The following TMEM132D variants were observed in gnomAD, a reference collection of about 807,000 sequenced individuals.
TMEM132D encodes the protein transmembrane protein 132D, also known as mature OL transmembrane protein.
TMEM132D carries 21 observed loss-of-function variants against 62.3 expected under a neutral mutation model. The observed-to-expected ratio is 0.34, with a 90% CI of 0.24 to 0.49. The LOEUF (loss-of-function observed/expected upper bound fraction) is 0.49. Ranked by LOEUF, TMEM132D falls within the 20% of genes least tolerant of loss-of-function variation. The pLI is 0.99. For missense variants in TMEM132D, 1,346 were observed against 1,402.8 expected (o/e 0.96, Z 0.65); for synonymous variants, 621 against 575.6 (o/e 1.08, Z -1.13).
intron 3 of TMEM132D, among the ~76,000 whole-genome samples, chr12:129,403,056 T>C (rs886501846): frequency 1.3e-5 from 2 of 152,070 alleles, no homozygotes; most frequent in Non-Finnish European, 2.9e-5. Flanking sequence ...TCCAGGATTG[T>C]GGCAGGCACT....
At chr12:129,552,362 CATCT>C (rs1243246052) in intron 2 of TMEM132D, among the ~76,000 whole-genome samples, 3 of 152,282 alleles carry the variant, frequency 2.0e-5, no homozygotes, top group Admixed American at 1.3e-4. Flanking sequence ...ATATACCTAA[CATCT>C]ATCTGTTTAT....
rs1478847881 is a variant in TMEM132D at position 129,605,645 on chromosome 12, AC to A, written c.969-74441del. Among the ~76,000 whole-genome samples the A allele has an allele frequency of 5.0e-3, 659 of 132,944 alleles. 10 individuals carry two copies. The highest frequency in any genetic ancestry group is 0.016 in the African/African-American group (625 of 38,356). 87.2% of individuals were successfully genotyped at this position (132,944 alleles called of 152,430 possible). ...TATACACACACACACACACACACACACAAATATACATATACATATATATATA... is the reference window on the plus strand; with the variant it reads ...TATACACACACACACACACACACACAAAATATACATATACATATATATATA... On this transcript the variant is annotated intron_variant, in intron 2 of 8. Transcript: ENST00000422113.
rs769866888 is a variant in TMEM132D at position 129,084,718 on chromosome 12, A to C, written c.1444-16T>G. On this transcript the variant is annotated splice_polypyrimidine_tract_variant and intron_variant, in intron 5 of 8. Transcript: ENST00000422113. ...TGTCAGAAACCTGTGAAGAGGTGAG[A>C]GAGAAAAGGGGAGGGAAAGGTGAGC... 6.2e-7 allele frequency: 1 copy of C among 1,612,634 alleles called. No individual in the cohort carries two copies. The highest frequency in any genetic ancestry group is 1.1e-5 in the South Asian group (1 of 90,732).
rs112729986 is a variant in TMEM132D, at chr12:129,291,671, C to T, written c.1299+45963G>A. Among the ~76,000 whole-genome samples, 803 of 152,212 alleles carry T rather than the reference C, an allele frequency of 5.3e-3. 7 individuals are homozygous for T. The highest frequency in any genetic ancestry group is 0.018 in the African/African-American group (732 of 41,532). On this transcript the variant is annotated intron_variant, in intron 4 of 8. Transcript: ENST00000422113. ...TATTGATTTAGTTATTCTGACAGCA[C>T]GTGGTCAACAGGTTTCTCCTCAAGA...
At chr12:129,810,027 G>A (rs1872121254) in intron 1 of TMEM132D, among the ~76,000 whole-genome samples, 1 of 152,160 alleles carries the variant, frequency 6.6e-6, no homozygotes, top group Non-Finnish European at 1.5e-5. Flanking sequence ...ATTAGGAGGA[G>A]GAGGAGAAAG....
chr12:129,884,310 A>G (rs931093698), intron 1 of TMEM132D, among the ~76,000 whole-genome samples: 1 of 152,256 alleles, frequency 6.6e-6, no homozygotes, highest in African/African-American at 2.4e-5. Context: ...ACATGTTAAA[A>G]TAAACAACAT....
At chr12:129,720,574 T>C (rs867628883) in intron 1 of TMEM132D, among the ~76,000 whole-genome samples, 1 of 152,214 alleles carries the variant, frequency 6.6e-6, no homozygotes, top group Non-Finnish European at 1.5e-5. Context: ...TGCTCTGAAA[T>C]GATGACAGTG....
rs2137225848 is a variant in TMEM132D, at chr12:129,700,038, C to T, written c.740G>A (p.Ser247Asn). 6.2e-7 allele frequency: 1 copy of T among 1,613,956 alleles called. No homozygotes were observed. ...GDCVREDARR[S>N]NGIRTGHSDI... ...ACTGTGGCCTGTCCGGATCCCATTGCTTCTCCTCGCGTCTTCCCTGACGCA... is the reference window on the plus strand; with the variant it reads ...ACTGTGGCCTGTCCGGATCCCATTGTTTCTCCTCGCGTCTTCCCTGACGCA... The change falls in exon 2 of 9, where the codon AGC becomes AAC. Residue 247 changes from serine to asparagine, a missense_variant. Ser to Asn is a conservative substitution (Grantham distance 46, BLOSUM62 1). Coordinates refer to ENST00000422113, the MANE Select transcript of TMEM132D (RefSeq NM_133448.3).
chr12:129,218,258 A>G (rs1593299865), intron 4 of TMEM132D, among the ~76,000 whole-genome samples: 1 of 152,176 alleles, frequency 6.6e-6, no homozygotes, highest in East Asian at 1.9e-4. Context: ...GAATCAGTTT[A>G]TTTTGGTTAC....
At chr12:129,828,758 A>AAAGGAG (rs1566000185) in intron 1 of TMEM132D, among the ~76,000 whole-genome samples, 2 of 9,960 alleles carry the variant, frequency 2.0e-4, no homozygotes, top group Non-Finnish European at 2.7e-4. Context: ...GAGGGAGGAA[A>AAAGGAG]GGAGGGAGGG....
intron 2 of TMEM132D, among the ~76,000 whole-genome samples, chr12:129,695,828 G>A (rs189333639): frequency 6.6e-6 from 1 of 152,206 alleles, no homozygotes; most frequent in Non-Finnish European, 1.5e-5. Context: ...TTGCTGAGAG[G>A]CTGCTGTGTC....
chr12:129,204,858 T>C (rs965166878), intron 5 of TMEM132D, among the ~76,000 whole-genome samples: 1 of 152,110 alleles, frequency 6.6e-6, no homozygotes, highest in Non-Finnish European at 1.5e-5. Context: ...CCAGAAGAGA[T>C]TGAGGTCCTA....
At chr12:129,752,019 A>G (rs1870013622) in intron 1 of TMEM132D, among the ~76,000 whole-genome samples, 1 of 152,206 alleles carries the variant, frequency 6.6e-6, no homozygotes, top group African/African-American at 2.4e-5. Flanking sequence ...TTTGCTTAAC[A>G]AAATCCCAAT....
At chr12:129,599,579 T>G (rs192124956) in intron 2 of TMEM132D, among the ~76,000 whole-genome samples, 3 of 152,312 alleles carry the variant, frequency 2.0e-5, no homozygotes, top group African/African-American at 7.2e-5. Flanking sequence ...TCAGTGGGAT[T>G]CATGTATTGT....
intron 3 of TMEM132D, among the ~76,000 whole-genome samples, chr12:129,422,161 AG>A (rs1872345654): frequency 6.6e-6 from 1 of 151,424 alleles, no homozygotes. Context: ...TTAATATTTA[AG>A]GGAACGTTTA....
intron 5 of TMEM132D, among the ~76,000 whole-genome samples, chr12:129,142,092 A>T (rs1876759267): frequency 6.6e-6 from 1 of 151,394 alleles, no homozygotes; most frequent in Non-Finnish European, 1.5e-5. Context: ...TTGATGGAAA[A>T]GACAAGGCTG....
At chr12:129,453,648 G>A (rs1449463334) in intron 3 of TMEM132D, among the ~76,000 whole-genome samples, 1 of 152,152 alleles carries the variant, frequency 6.6e-6, no homozygotes, top group African/African-American at 2.4e-5. Context: ...TGACTGCTGT[G>A]GGCAGGCCCC....
chr12:129,770,378 G>A (rs998132078), intron 1 of TMEM132D, among the ~76,000 whole-genome samples: 18 of 152,184 alleles, frequency 1.2e-4, no homozygotes, highest in African/African-American at 4.1e-4. Context: ...TCCTGGCCTC[G>A]TGATCTGCCT....
intron 5 of TMEM132D, among the ~76,000 whole-genome samples, chr12:129,114,431 T>C (rs1054261213): frequency 2.7e-5 from 4 of 147,552 alleles, no homozygotes; most frequent in African/African-American, 1.0e-4. Context: ...CTTCCCTCCT[T>C]CCTCCCTCCC....
Sources: gnomAD v4.1 joint callset for allele counts (sites outside exome capture counted in the v4.1 genomes callset) on GRCh38, gnomAD v4.1.1 for gene constraint, MANE v1.5 for transcripts, NCBI Gene and HGNC (gene_info 2026-07-23, HGNC 2026-07-21) for gene names.